The following SPATA24 variants were observed in gnomAD, a reference collection of about 807,000 sequenced individuals.
The protein encoded by SPATA24 is spermatogenesis-associated protein 24.
SPATA24 carries 21 observed loss-of-function variants against 28.9 expected under a neutral mutation model. The ratio of observed to expected loss-of-function variants is 0.73; its 90% CI spans 0.52 to 1.05. The LOEUF (loss-of-function observed/expected upper bound fraction) is 1.05, where lower values mean the gene tolerates loss of function less well. Among genes scored for constraint, SPATA24 ranks in the 50% least tolerant of loss-of-function variants. The pLI, the probability that SPATA24 is intolerant of heterozygous loss-of-function variation, is 0.00. For missense variants in SPATA24, 215 were observed against 242.9 expected (o/e 0.88, Z 0.76); for synonymous variants, 76 against 89.9 (o/e 0.85, Z 0.88).
At chr5:139,397,419 A>C (rs6865970) in intron 4 of SPATA24, among the ~76,000 whole-genome samples, 152,159 of 152,296 alleles carry the variant, frequency 1, 76,011 homozygotes, top group Non-Finnish European at 1. Context: ...GGCAGGCCTG[A>C]CCAAAGGCTG....
chr5:139,392,845 T>A (rs1758621637), downstream of SPATA24: 3 of 1,539,022 alleles, frequency 1.9e-6, no homozygotes, highest in Non-Finnish European at 2.6e-6. The surrounding 1 kb of genome is among the most constrained non-coding windows in gnomAD (Gnocchi z 5.8). Flanking sequence ...CGAGGTTACC[T>A]CGGGCCGGCG....
At chr5:139,393,930 C>G (rs1297023034), downstream of SPATA24, 2 of 1,550,952 alleles carry the variant, frequency 1.3e-6, no homozygotes, top group Admixed American at 3.9e-5. Context: ...CAGCCCTACT[C>G]GGAACCTCCG....
downstream of SPATA24, chr5:139,394,746 T>C (rs1442725364): frequency 6.5e-7 from 1 of 1,533,954 alleles, no homozygotes; most frequent in Non-Finnish European, 8.7e-7. Flanking sequence ...CGAAGATGAC[T>C]TCCATCTCCC....
chr5:139,394,718 C>T (rs73255289), downstream of SPATA24: 175,143 of 1,531,728 alleles, frequency 0.11, 10,479 homozygotes, highest in East Asian at 0.15. Context: ...CCGGAGCAGC[C>T]GAACAGGGGT....
chr5:139,402,545 G>T (rs1758848670), intron 2 of SPATA24, 83 bp downstream of exon 2: 1 of 1,283,656 alleles, frequency 7.8e-7, no homozygotes, highest in Non-Finnish European at 1.1e-6. Context: ...ACCCATCAGA[G>T]GCTAATACTT....
At position 139,396,929 on chromosome 5, in the gene SPATA24, C is replaced by A. The variant is rs1758722243; in HGVS notation, c.489G>T (p.Arg163Ser). ...GGATCCGGAAGTCAGACATGTGATT[C>A]CTGCAACGGAGCCGGCTGGTGGTGG... The part of the protein sequence containing the change: ...QVISQQKQIF[R>S]NHMSDFRIQK... The change falls in exon 6 of 6, where the codon AGG (arginine) becomes AGT (serine). Residue 163 changes from arginine to serine, a missense_variant and splice_region_variant. Coordinates refer to ENST00000450845, the MANE Select transcript of SPATA24 (RefSeq NM_194296.2). 6.4e-7 allele frequency: 1 copy of A among 1,551,552 alleles called. No homozygotes were observed.
chr5:139,402,137 A>G (rs1432133665), intron 2 of SPATA24, 92 bp from the exon 3 acceptor site: 9 of 1,450,564 alleles, frequency 6.2e-6, no homozygotes, highest in East Asian at 5.0e-5. Context: ...AGGGACACAC[A>G]GAAGCCAGAG....
downstream of SPATA24, chr5:139,393,227 T>C: frequency 6.5e-7 from 1 of 1,549,170 alleles, no homozygotes; most frequent in Non-Finnish European, 8.7e-7. Context: ...GGAATGGCCA[T>C]GCGCGGGCGT....
At chr5:139,394,194 CTT>C (rs1758650632), downstream of SPATA24, 2 of 1,548,248 alleles carry the variant, frequency 1.3e-6, no homozygotes, top group Admixed American at 2.0e-5. Context: ...GTGGCCGAGA[CTT>C]AGCCTTCTCC....
downstream of SPATA24, chr5:139,396,579 G>A (rs1458129465): frequency 7.3e-7 from 1 of 1,372,374 alleles, no homozygotes; most frequent in Admixed American, 3.0e-5. Context: ...GGGTAACCAG[G>A]GCTGTTTATA....
At chr5:139,401,350 T>G (rs1000799559) in intron 4 of SPATA24, 5 of 532,178 alleles carry the variant, frequency 9.4e-6, no homozygotes, top group Admixed American at 3.6e-5. Context: ...CCTAGCCCCC[T>G]GTCACCACAT....
intron 1 of SPATA24, 72 bp from the exon 2 acceptor site, chr5:139,402,765 A>T: frequency 8.6e-7 from 1 of 1,169,150 alleles, no homozygotes; most frequent in Non-Finnish European, 1.2e-6. Flanking sequence ...ACCAGGACCA[A>T]AAGCGGATAA....
Position 139,396,822 on chromosome 5 carries a change from T to C in SPATA24, c.596A>G (p.His199Arg). 6.4e-7 allele frequency: 1 copy of C among 1,551,742 alleles called. No homozygotes were observed. The highest frequency in any genetic ancestry group is 8.7e-7 in the Non-Finnish European group (1 of 1,146,994). ...ATTTTATTTTTCCCTGGGATGCTGGTGGCTGCGGGCCTGACGTGTCCCTGA... is the reference window on the plus strand; with the variant it reads ...ATTTTATTTTTCCCTGGGATGCTGGCGGCTGCGGGCCTGACGTGTCCCTGA... Reference protein sequence around the residue: ...KASGTRQARSHQHPREK With the variant: ...KASGTRQARSRQHPREK The change falls in exon 6 of 6, where the codon CAC becomes CGC. Residue 199 changes from histidine (H) to arginine (R), a missense_variant. By Grantham distance (29) the His-to-Arg change is conservative. Transcript: ENST00000450845.
At position 139,397,250 on chromosome 5, in the gene SPATA24, G is replaced by T. The variant is rs1348106310; in HGVS notation, c.386-107C>A. On this transcript the variant is annotated intron_variant, in intron 4 of 5. Coordinates refer to ENST00000450845, the MANE Select transcript of SPATA24 (RefSeq NM_194296.2). ...TTTCAGAGCTTGGCTCCCCACCCAA[G>T]AGTTCTCCATGAAGAACTGCTAATA... is the stretch of plus-strand genomic sequence containing the variant. The T allele has an allele frequency of 3.9e-6, 3 of 769,258 alleles. No individual in the cohort carries two copies. In the East Asian group the frequency reaches 8.0e-5, roughly 21 times the overall value. 47.7% of individuals were successfully genotyped at this position (769,258 alleles called of 1,614,324 possible).
At chr5:139,393,199 C>G, downstream of SPATA24, 3 of 1,549,554 alleles carry the variant, frequency 1.9e-6, no homozygotes, top group Non-Finnish European at 2.6e-6. Flanking sequence ...CACCAACTTG[C>G]GCACGTCTCG....
intron 3 of SPATA24, 39 bp from the exon 4 acceptor site, chr5:139,401,864 G>T: frequency 6.5e-7 from 1 of 1,547,464 alleles, no homozygotes; most frequent in African/African-American, 1.4e-5. Context: ...GGGCAGGCTA[G>T]CAAGCAGATG....
chr5:139,397,028 C>T lies in SPATA24; in HGVS notation c.488+13G>A. On this transcript the variant is annotated intron_variant, in intron 5 of 5. Transcript: ENST00000450845. ...TGTCATCAACAACCCCCAGCCGGGCCCAGACCCCTCACCTGAAGATCTGTT... is the reference window on the plus strand; with the variant it reads ...TGTCATCAACAACCCCCAGCCGGGCTCAGACCCCTCACCTGAAGATCTGTT... 6.4e-7 allele frequency: 1 copy of T among 1,551,694 alleles called. No homozygotes were observed. Among genetic ancestry groups the T allele is most frequent in the South Asian group, 1.2e-5 (1 of 84,062 alleles).
intron 4 of SPATA24, among the ~76,000 whole-genome samples, chr5:139,400,589 T>G (rs889520332): frequency 6.6e-6 from 1 of 152,022 alleles, no homozygotes; most frequent in African/African-American, 2.4e-5. Context: ...ATTACAGGCA[T>G]GAGCCACCGC....
At chr5:139,392,752 C>T, downstream of SPATA24, 1 of 1,433,928 alleles carries the variant, frequency 7.0e-7, no homozygotes, top group Admixed American at 3.0e-5. This position sits in a 1 kb window ranked among gnomAD's most constrained non-coding sequence, Gnocchi z 5.8. Context: ...GCCTAGAGGG[C>T]TGGTCCGACC....
Sources: allele counts gnomAD v4.1 joint callset (sites outside exome capture counted in the v4.1 genomes callset), GRCh38; gene constraint gnomAD v4.1.1; non-coding constraint Gnocchi (gnomAD v3.1); transcripts MANE v1.5; gene names NCBI Gene and HGNC (gene_info 2026-07-23, HGNC 2026-07-21).